TTN: variants seen among roughly 807,000 people sequenced by gnomAD.
TTN encodes the protein titin, also known as connectin.
TTN carries 1,525 observed loss-of-function variants against 3,223.0 expected under a neutral mutation model. That is an observed-to-expected ratio of 0.47 (90% CI 0.45 to 0.49). The LOEUF (loss-of-function observed/expected upper bound fraction) is 0.49. TTN is among the 20% of genes least tolerant of loss of function. The pLI, the probability that TTN is intolerant of heterozygous loss-of-function variation, is 0.00. For synonymous variants in TTN, 14,094 were observed against 15,161.0 expected (o/e 0.93, Z 5.17); for missense variants, 40,786 against 43,424.0 (o/e 0.94, Z 5.40).
intron 118 of TTN, 99 bp from the exon 119 acceptor site, chr2:178,693,788 CATG>C (rs1314007712): frequency 8.1e-7 from 1 of 1,240,956 alleles, no homozygotes; most frequent in Non-Finnish European, 1.1e-6. Context: ...CAGAGACAAA[CATG>C]AAATGAAAAA....
chr2:178,581,809 G>GAATA lies in TTN; in HGVS notation c.66464-9_66464-6dup. On this transcript the variant is annotated splice_region_variant and splice_polypyrimidine_tract_variant and intron_variant, in intron 315 of 362. Transcript: ENST00000589042. ...AAGCCGGTGGGCCAGGAGGATCTGA[G>GAATA]AATAAATAATGATAGGAAATTTTCA... The GAATA allele has an allele frequency of 6.3e-7, 1 of 1,593,832 alleles. No individual in the cohort carries two copies. The highest frequency in any genetic ancestry group is 8.5e-7 in the Non-Finnish European group (1 of 1,171,346).
intron 96 of TTN, among the ~76,000 whole-genome samples, 153 bp from the exon 97 acceptor site, chr2:178,711,502 T>C (rs1165125355): frequency 6.6e-6 from 1 of 152,164 alleles, no homozygotes; most frequent in African/African-American, 2.4e-5. Context: ...AAGAAAAGCA[T>C]ATAGATTTCT....
intron 22 of TTN, 53 bp downstream of exon 22, chr2:178,779,947 A>AC: frequency 1.3e-6 from 2 of 1,568,096 alleles, no homozygotes; most frequent in Non-Finnish European, 1.7e-6. Flanking sequence ...CAAATAAAAA[A>AC]AGGAAAGTAT....
chr2:178,719,311 T>C lies in TTN; in HGVS notation c.24079A>G (p.Ser8027Gly). ...AAGCTGGACTGACATTTGGGCCCAC[T>C]AACAATCTCATTTCCATCCTGAAAC... The part of the protein sequence containing the change: ...GWFQDGNEIV[S>G]GPKCQSSFSE... Residue 8027 changes from serine (S) to glycine (G), a missense_variant, in exon 83 of 363, where the codon AGT (serine) becomes GGT (glycine). By Grantham distance (56) the Ser-to-Gly change is moderately conservative (BLOSUM62 0). Coordinates refer to ENST00000589042, the MANE Select transcript of TTN (RefSeq NM_001267550.2). The C allele has an allele frequency of 6.2e-7, 1 of 1,613,730 alleles. No individual in the cohort carries two copies. The highest frequency in any genetic ancestry group is 8.5e-7 in the Non-Finnish European group (1 of 1,179,748).
At chr2:178,702,818 T>G (rs1297052000) in intron 106 of TTN, among the ~76,000 whole-genome samples, 155 bp from the exon 107 acceptor site, 11 of 152,230 alleles carry the variant, frequency 7.2e-5, no homozygotes, top group Non-Finnish European at 1.3e-4. Flanking sequence ...AATGCACTCT[T>G]CTTTGCATCA....
rs2154134348 is a variant in TTN, at chr2:178,532,505, C to T, written c.104110G>A (p.Glu34704Lys). The T allele has an allele frequency of 6.2e-7, 1 of 1,613,974 alleles. No individual in the cohort carries two copies. Among genetic ancestry groups the T allele is most frequent in the Non-Finnish European group, 8.5e-7 (1 of 1,179,868 alleles). ...GAAGAGTAACGTAGGCTAGAAAGCTCAAAGTGTGGAGGGCTTCGACTTGGG... is the reference window on the plus strand; with the variant it reads ...GAAGAGTAACGTAGGCTAGAAAGCTTAAAGTGTGGAGGGCTTCGACTTGGG... ...SPPSRSPPHF[E>K]LSSLRYSSPQ... The change falls in exon 358 of 363, where the codon GAG (glutamate) becomes AAG (lysine). Residue 34704 changes from glutamate (E) to lysine (K), a missense_variant. Glu to Lys is a moderately conservative substitution (Grantham distance 56). Coordinates refer to ENST00000589042, the MANE Select transcript of TTN (RefSeq NM_001267550.2).
chr2:178,727,864 C>T lies in TTN; in HGVS notation c.19715-1G>A, dbSNP rs767658044. The T allele has an allele frequency of 3.8e-6, 6 of 1,567,122 alleles. No homozygotes were observed. In the Admixed American group the frequency reaches 9.7e-5, roughly 25 times the overall value. ...GGTTTCACTAGGAAGCTTGGTGGTTCTATAGATTTTAAGAGAGATATATTT... is the reference window on the plus strand; with the variant it reads ...GGTTTCACTAGGAAGCTTGGTGGTTTTATAGATTTTAAGAGAGATATATTT... On this transcript the variant is annotated splice_acceptor_variant, in intron 67 of 362. Coordinates refer to ENST00000589042, the MANE Select transcript of TTN (RefSeq NM_001267550.2). LOFTEE classifies it high-confidence loss of function.
chr2:178,544,118 G>T lies in TTN; in HGVS notation c.96029-3C>A. 1 of 1,603,808 alleles carries T rather than the reference G, an allele frequency of 6.2e-7. No individual in the cohort carries two copies. Among genetic ancestry groups the T allele is most frequent in the Non-Finnish European group, 8.5e-7 (1 of 1,173,516 alleles). The stretch of plus-strand genomic sequence containing the variant: ...TGCAAGCTCAAGATCTGGTATTTCT[G>T]GAAAGTTAATGACAAAATTTAATTA... On this transcript the variant is annotated splice_polypyrimidine_tract_variant and splice_region_variant and intron_variant, in intron 345 of 362. Coordinates refer to ENST00000589042, the MANE Select transcript of TTN (RefSeq NM_001267550.2).
rs55892860 is a variant in TTN, at chr2:178,783,780, T to A, written c.2781A>T (p.Thr927=). The A allele has an allele frequency of 6.2e-7, 1 of 1,613,264 alleles. No individual in the cohort carries two copies. The highest frequency in any genetic ancestry group is 1.3e-5 in the African/African-American group (1 of 74,826). ...CAGGTGCTGGTACTCTTGCTGTTTC[T>A]GTTACCTAGATTTTTACAAATTATA... is the stretch of plus-strand genomic sequence containing the variant. ...EVLHGREAKV[T]ETARVPAPVE... Residue 927 remains threonine (T), a synonymous_variant, in exon 17 of 363, where the codon ACA becomes ACT. Coordinates refer to ENST00000589042, the MANE Select transcript of TTN (RefSeq NM_001267550.2).
Position 178,534,859 on chromosome 2 carries a change from T to A in TTN, c.101756A>T (p.Tyr33919Phe). 1 of 1,608,668 alleles carries A rather than the reference T, an allele frequency of 6.2e-7. No homozygotes were observed. Among genetic ancestry groups the A allele is most frequent in the Non-Finnish European group, 8.5e-7 (1 of 1,179,804 alleles). The change falls in exon 358 of 363, where the codon TAT (tyrosine) becomes TTT (phenylalanine). Residue 33919 changes from tyrosine to phenylalanine, a missense_variant. Tyr to Phe is a conservative substitution (Grantham distance 22). Transcript: ENST00000589042. Reference sequence around the variant, plus strand: ...AAGTGCTTCACAGACCTGGTGAACATAACTTACAATTTCTCTTTCATTAAG... The same window carrying A: ...AAGTGCTTCACAGACCTGGTGAACAAAACTTACAATTTCTCTTTCATTAAG... ...FELNEREIVS[Y>F]VHQVCEALQF...
Position 178,689,531 on chromosome 2 carries a change from T to G in TTN, c.31911A>C (p.Glu10637Asp). ...ATTAAGTACCTGCTGGTGGTGGAGA[T>G]TCCTCTCTTTGAGTTACAATGGTTA... The part of the protein sequence containing the change: ...EKITIVTQRE[E>D]SPPPAVPEIP... Residue 10637 changes from glutamate to aspartate, a missense_variant, in exon 123 of 363, where the codon GAA becomes GAC. Glu to Asp is a conservative substitution (Grantham distance 45). Transcript: ENST00000589042. 7 of 1,610,216 alleles carry G rather than the reference T, an allele frequency of 4.3e-6. No homozygotes were observed. Among genetic ancestry groups the G allele is most frequent in the Non-Finnish European group, 5.9e-6 (7 of 1,177,782 alleles).
At chr2:178,752,193 G>A (rs1574309111) in intron 47 of TTN, among the ~76,000 whole-genome samples, 2 of 152,026 alleles carry the variant, frequency 1.3e-5, no homozygotes, top group African/African-American at 2.4e-5. Flanking sequence ...TCGAATAAAC[G>A]CAACACCATG....
chr2:178,567,678 C>A lies in TTN; in HGVS notation c.78454G>T (p.Gly26152Cys). ...TCATATCTTTGATCTTCAGTAAGAC[C>A]TGACACAGTAAATTGAGTTTCAATG... ...NVIETQFTVS[G>C]LTEDQRYEFR... The change falls in exon 326 of 363, where the codon GGT becomes TGT. Residue 26152 changes from glycine to cysteine, a missense_variant. Gly to Cys is a radical substitution (Grantham distance 159, BLOSUM62 -3). Coordinates refer to ENST00000589042, the MANE Select transcript of TTN (RefSeq NM_001267550.2). The A allele has an allele frequency of 6.2e-7, 1 of 1,612,400 alleles. No individual in the cohort carries two copies. Among genetic ancestry groups the A allele is most frequent in the Non-Finnish European group, 8.5e-7 (1 of 1,178,930 alleles).
At chr2:178,803,313 T>C (rs1048547146) in intron 2 of TTN, among the ~76,000 whole-genome samples, 1 of 152,136 alleles carries the variant, frequency 6.6e-6, no homozygotes, top group African/African-American at 2.4e-5. Flanking sequence ...AACAAGAAGA[T>C]ATGAAGTAGC....
chr2:178,559,863 C>T lies in TTN; in HGVS notation c.86269G>A (p.Asp28757Asn), dbSNP rs946879778. The change falls in exon 326 of 363, where the codon GAC becomes AAC. Residue 28757 changes from aspartate (D) to asparagine (N), a missense_variant. Transcript: ENST00000589042. ...ATCAAGGTCTTCCTCATTTCACTGT[C>T]AATATCAAATAAAGGTTCTTCTTCT... ...EREEEPLFDI[D>N]SEMRKTLIVK... The T allele has an allele frequency of 3.7e-6, 6 of 1,612,164 alleles. No individual in the cohort carries two copies. The highest frequency in any genetic ancestry group is 1.7e-5 in the Admixed American group (1 of 59,986).
At chr2:178,705,859 A>C (rs1483828142) in intron 102 of TTN, among the ~76,000 whole-genome samples, 1 of 152,222 alleles carries the variant, frequency 6.6e-6, no homozygotes, top group Non-Finnish European at 1.5e-5. Context: ...TAACATAAGA[A>C]ATCATATATA....
At position 178,756,627 on chromosome 2, in the gene TTN, A is replaced by G. The variant is rs772083491; in HGVS notation, c.10849T>C (p.Ser3617Pro). Residue 3617 changes from serine to proline, a missense_variant, in exon 46 of 363, where the codon TCT (serine) becomes CCT (proline). By Grantham distance (74) the Ser-to-Pro change is moderately conservative. Coordinates refer to ENST00000589042, the MANE Select transcript of TTN (RefSeq NM_001267550.2). Reference sequence around the variant, plus strand: ...GCAGCTGTGTGGATGGAACTTTGAGATACACTTTCAAAAACCTGCACTTCA... The same window carrying G: ...GCAGCTGTGTGGATGGAACTTTGAGGTACACTTTCAAAAACCTGCACTTCA... ...EYEVQVFESV[S>P]QSSIHTAASV... 1 of 1,613,718 alleles carries G rather than the reference A, an allele frequency of 6.2e-7. No individual in the cohort carries two copies. The highest frequency in any genetic ancestry group is 8.5e-7 in the Non-Finnish European group (1 of 1,179,770).
In TTN at chr2:178,740,198, A is replaced by C; in HGVS notation, c.13035T>G (p.His4345Gln). 1 of 1,613,518 alleles carries C rather than the reference A, an allele frequency of 6.2e-7. No homozygotes were observed. The highest frequency in any genetic ancestry group is 8.5e-7 in the Non-Finnish European group (1 of 1,179,714). Residue 4345 changes from histidine to glutamine, a missense_variant, in exon 48 of 363, where the codon CAT becomes CAG. Transcript: ENST00000589042. ...CTGGGGGCATCACCACGTTGTCAGA[A>C]TGCTCTTCTTTGAGCAGTACCTGCT... ...EEKQVLLKEE[H>Q]SDNVVMPPDQ...
In TTN at chr2:178,598,979, C is replaced by G; in HGVS notation, c.56731G>C (p.Asp18911His). 1 of 1,612,050 alleles carries G rather than the reference C, an allele frequency of 6.2e-7. No individual in the cohort carries two copies. The highest frequency in any genetic ancestry group is 8.5e-7 in the Non-Finnish European group (1 of 1,179,122). The change falls in exon 291 of 363, where the codon GAT (aspartate) becomes CAT (histidine). Residue 18911 changes from aspartate (D) to histidine (H), a missense_variant. Transcript: ENST00000589042. ...MTVNWEEPEY[D>H]GGSPVTGYWL... Reference sequence around the variant, plus strand: ...TACCCTGTCACAGGAGAGCCTCCATCATATTCTGGCTCTTCCCAGTTGACA... The same window carrying G: ...TACCCTGTCACAGGAGAGCCTCCATGATATTCTGGCTCTTCCCAGTTGACA...
Sources: allele counts gnomAD v4.1 joint callset (sites outside exome capture counted in the v4.1 genomes callset), GRCh38; gene constraint gnomAD v4.1.1; transcripts MANE v1.5; gene names NCBI Gene and HGNC (gene_info 2026-07-23, HGNC 2026-07-21).